SLMAP: variants seen among roughly 807,000 people sequenced by gnomAD.
SLMAP encodes sarcolemma associated protein, also known as sarcolemmal membrane-associated protein.
In SLMAP, 44 loss-of-function variants were observed where a neutral mutation model predicts 128.8. That is an observed-to-expected ratio of 0.34 (90% CI 0.27 to 0.44). The LOEUF (loss-of-function observed/expected upper bound fraction) is 0.44, where lower values mean the gene tolerates loss of function less well. SLMAP is among the 20% of genes least tolerant of loss of function. The pLI, the probability that SLMAP is intolerant of heterozygous loss-of-function variation, is 1.00. For missense variants in SLMAP, 787 were observed against 985.3 expected, an observed-to-expected ratio of 0.80 and a Z score of 2.69; for synonymous variants, 327 against 348.8, an observed-to-expected ratio of 0.94 and a Z score of 0.70.
chr3:57,881,985 C>A (rs1201408725), intron 14 of SLMAP, among the ~76,000 whole-genome samples: 2 of 151,802 alleles, frequency 1.3e-5, no homozygotes, highest in Non-Finnish European at 2.9e-5. Context: ...CCAGCCTGGT[C>A]AATGTAGCAA....
At chr3:57,819,257 G>A (rs915231683) in intron 2 of SLMAP, among the ~76,000 whole-genome samples, 1 of 152,108 alleles carries the variant, frequency 6.6e-6, no homozygotes, top group African/African-American at 2.4e-5. Context: ...TAAAAACGAA[G>A]AAATATGAGT....
intron 15 of SLMAP, chr3:57,890,907 T>C (rs1475315176): frequency 6.6e-6 from 1 of 152,238 alleles, no homozygotes; most frequent in Non-Finnish European, 1.5e-5. Flanking sequence ...TTCATTTGAC[T>C]TTTTTAACCA....
chr3:57,823,266 A>T (rs2092667869), intron 2 of SLMAP, among the ~76,000 whole-genome samples: 1 of 152,144 alleles, frequency 6.6e-6, no homozygotes, highest in Non-Finnish European at 1.5e-5. Flanking sequence ...CATGTGCACA[A>T]CGTGCAGGTT....
rs2097048892 is a variant in SLMAP, at chr3:57,929,408, G to A, written c.*2119G>A. Among the ~76,000 whole-genome samples the A allele has an allele frequency of 6.6e-6, 1 of 151,968 alleles. No individual in the cohort carries two copies. The highest frequency in any genetic ancestry group is 6.6e-5 in the Admixed American group (1 of 15,254). ...TAAAATGAGAGTCACTTGCTAGACTGGTCTCTTTAAATGTAAGGTCTAGTA... is the reference window on the plus strand; with the variant it reads ...TAAAATGAGAGTCACTTGCTAGACTAGTCTCTTTAAATGTAAGGTCTAGTA... On this transcript the variant is annotated 3_prime_UTR_variant, in exon 25 of 25. Transcript: ENST00000671191.
intron 2 of SLMAP, among the ~76,000 whole-genome samples, chr3:57,786,890 C>T (rs1248570096): frequency 4.6e-5 from 7 of 152,012 alleles, no homozygotes; most frequent in South Asian, 2.1e-4. Context: ...CCTGCCATCA[C>T]GCCTGGCTAA....
chr3:57,924,178 T>G (rs2096962192), intron 23 of SLMAP, among the ~76,000 whole-genome samples: 1 of 152,182 alleles, frequency 6.6e-6, no homozygotes. Flanking sequence ...AAAAGTAACT[T>G]TGCTATTATT....
At chr3:57,775,509 CAAAAA>C (rs1009755128) in intron 2 of SLMAP, among the ~76,000 whole-genome samples, 1 of 21,196 alleles carries the variant, frequency 4.7e-5, no homozygotes, top group Non-Finnish European at 1.4e-4. Flanking sequence ...CCTGTTGGTA[CAAAAA>C]AAAAAAAAAA....
chr3:57,812,451 T>A lies in SLMAP; in HGVS notation c.199-18932T>A, dbSNP rs188049723. 7.5e-4 allele frequency among the ~76,000 whole-genome samples: 115 copies of A among 152,340 alleles called. 1 individual carries two copies. Among genetic ancestry groups the A allele is most frequent in the African/African-American group, 2.3e-3 (95 of 41,588 alleles). On this transcript the variant is annotated intron_variant, in intron 2 of 24. Transcript: ENST00000671191. Reference sequence around the variant, plus strand: ...TTTGAATATGAGATATATGTCTGTCTGTATGCCGGTACCATACTGTTTTGA... The same window carrying A: ...TTTGAATATGAGATATATGTCTGTCAGTATGCCGGTACCATACTGTTTTGA...
intron 23 of SLMAP, among the ~76,000 whole-genome samples, chr3:57,925,207 A>G (rs1308804438): frequency 1.3e-5 from 2 of 151,660 alleles, no homozygotes; most frequent in African/African-American, 2.4e-5. Flanking sequence ...TGCCCACCTC[A>G]GCTTGCCAAA....
intron 2 of SLMAP, among the ~76,000 whole-genome samples, chr3:57,822,154 A>G (rs1365861354): frequency 2.0e-5 from 3 of 152,110 alleles, no homozygotes; most frequent in Non-Finnish European, 4.4e-5. Flanking sequence ...GTTACAGACT[A>G]AGTGATTTGC....
At chr3:57,888,075 T>A (rs575458588) in intron 14 of SLMAP, among the ~76,000 whole-genome samples, 32 of 152,238 alleles carry the variant, frequency 2.1e-4, no homozygotes, top group Admixed American at 7.8e-4. Flanking sequence ...TTCAGGAAAT[T>A]ATAAGAGGAT....
At chr3:57,838,731 A>G (rs1164821058) in intron 3 of SLMAP, among the ~76,000 whole-genome samples, 2 of 152,200 alleles carry the variant, frequency 1.3e-5, no homozygotes, top group African/African-American at 4.8e-5. Context: ...TGCAGGCGAG[A>G]GGATAAAAAC....
At chr3:57,890,291 A>C (rs1360266128) in intron 15 of SLMAP, 191 bp downstream of exon 15, 5 of 486,066 alleles carry the variant, frequency 1.0e-5, no homozygotes, top group African/African-American at 7.8e-5. Context: ...CGTAACTGGA[A>C]TGTGTCTTTT....
chr3:57,816,819 C>T (rs971612624), intron 2 of SLMAP, among the ~76,000 whole-genome samples: 1 of 152,040 alleles, frequency 6.6e-6, no homozygotes, highest in African/African-American at 2.4e-5. Context: ...AACTGAACTT[C>T]AGAAAGAAAA....
At chr3:57,782,063 A>G (rs1183319008) in intron 2 of SLMAP, among the ~76,000 whole-genome samples, 1 of 152,198 alleles carries the variant, frequency 6.6e-6, no homozygotes, top group Non-Finnish European at 1.5e-5. Flanking sequence ...TCCGTTAGGT[A>G]AATTCAGATT....
chr3:57,786,460 T>G (rs1293535167), intron 2 of SLMAP, among the ~76,000 whole-genome samples: 1 of 152,146 alleles, frequency 6.6e-6, no homozygotes, highest in Non-Finnish European at 1.5e-5. Flanking sequence ...TAATTAATAC[T>G]CATATAGGAG....
At position 57,927,418 on chromosome 3, in the gene SLMAP, C is replaced by G; in HGVS notation, c.*129C>G. Reference sequence around the variant, plus strand: ...GTTCCTTGAGTCCGTACACCGTCCTCCCTCTAGAAGCTGGCATCACACTCA... The same window carrying G: ...GTTCCTTGAGTCCGTACACCGTCCTGCCTCTAGAAGCTGGCATCACACTCA... On this transcript the variant is annotated 3_prime_UTR_variant, in exon 25 of 25. Coordinates refer to ENST00000671191, the MANE Select transcript of SLMAP (RefSeq NM_001377540.1). 1 of 1,392,598 alleles carries G rather than the reference C, an allele frequency of 7.2e-7. No homozygotes were observed. Among genetic ancestry groups the G allele is most frequent in the Non-Finnish European group, 1.0e-6 (1 of 997,982 alleles). 86.3% of individuals were successfully genotyped at this position (1,392,598 alleles called of 1,614,324 possible). A position where few individuals can be genotyped will look rare whatever the true frequency, so the allele number is the denominator to read the frequency against.
At chr3:57,845,847 C>CTT in intron 4 of SLMAP, among the ~76,000 whole-genome samples, 1 of 145,930 alleles carries the variant, frequency 6.9e-6, no homozygotes, top group Admixed American at 6.9e-5. Context: ...TCCCCCCCAC[C>CTT]TTTTTTTTTT....
intron 2 of SLMAP, among the ~76,000 whole-genome samples, chr3:57,796,590 T>C (rs1312041579): frequency 1.3e-5 from 2 of 152,236 alleles, no homozygotes; most frequent in Non-Finnish European, 2.9e-5. Context: ...ACAGTCACCA[T>C]ATAAGTATTA....
Sources: gnomAD v4.1 joint callset for allele counts (sites outside exome capture counted in the v4.1 genomes callset) on GRCh38, gnomAD v4.1.1 for gene constraint, MANE v1.5 for transcripts, NCBI Gene and HGNC (gene_info 2026-07-23, HGNC 2026-07-21) for gene names.